PRKAR2A: variants seen among roughly 807,000 people sequenced by gnomAD.
The protein encoded by PRKAR2A is cAMP-dependent protein kinase type II-alpha regulatory subunit.
Under a neutral mutation model 51.9 loss-of-function variants are expected in PRKAR2A, and 29 were observed. The ratio of observed to expected loss-of-function variants is 0.56; its 90% CI spans 0.42 to 0.76. The LOEUF (loss-of-function observed/expected upper bound fraction) is 0.76. PRKAR2A is among the 30% of genes least tolerant of loss of function. The pLI is 0.00. For synonymous variants in PRKAR2A, 178 were observed against 186.2 expected (o/e 0.96, Z 0.36); for missense variants, 445 against 512.1 (o/e 0.87, Z 1.26).
At chr3:48,790,882 G>T (rs750758696) in intron 3 of PRKAR2A, among the ~76,000 whole-genome samples, 3 of 151,850 alleles carry the variant, frequency 2.0e-5, no homozygotes, top group Non-Finnish European at 2.9e-5. Context: ...GGAGTCTCAG[G>T]ATCTTCATCC....
intron 1 of PRKAR2A, among the ~76,000 whole-genome samples, chr3:48,832,250 T>A (rs2083200754): frequency 6.8e-6 from 1 of 146,056 alleles, no homozygotes; most frequent in African/African-American, 2.5e-5. Flanking sequence ...GCCGAGATCA[T>A]GCCATTGCAC....
At chr3:48,827,145 G>A (rs914045750) in intron 1 of PRKAR2A, among the ~76,000 whole-genome samples, 4 of 151,956 alleles carry the variant, frequency 2.6e-5, no homozygotes, top group African/African-American at 7.2e-5. Flanking sequence ...CTGGAGTACC[G>A]CCAACAACAT....
rs1465862193 is a variant in PRKAR2A, at chr3:48,847,018, A to C, written c.262+317T>G. Among the ~76,000 whole-genome samples the C allele has an allele frequency of 6.6e-6, 1 of 152,264 alleles. No individual in the cohort carries two copies. The highest frequency in any genetic ancestry group is 2.4e-5 in the African/African-American group (1 of 41,476). On this transcript the variant is annotated intron_variant, in intron 1 of 10. Transcript: ENST00000265563. This position sits in a 1 kb window ranked among gnomAD's most constrained non-coding sequence, Gnocchi z 4.4. ...TGGATGAGAACGCTGTTGTCTTCGA[A>C]GCCAAAACTGGTGAAGGGTCTTAAG...
At chr3:48,791,940 T>G (rs1305128770) in intron 3 of PRKAR2A, among the ~76,000 whole-genome samples, 1 of 149,322 alleles carries the variant, frequency 6.7e-6, no homozygotes, top group Non-Finnish European at 1.5e-5. Flanking sequence ...AAAGATAGTG[T>G]TAAATATTTT....
At chr3:48,843,516 C>T (rs1053125923) in intron 1 of PRKAR2A, among the ~76,000 whole-genome samples, 21 of 152,154 alleles carry the variant, frequency 1.4e-4, no homozygotes, top group African/African-American at 5.1e-4. Flanking sequence ...AAAAAAGAGC[C>T]CGCATCGCCA....
intron 4 of PRKAR2A, among the ~76,000 whole-genome samples, chr3:48,784,549 C>T (rs2082256054): frequency 6.6e-6 from 1 of 152,180 alleles, no homozygotes; most frequent in South Asian, 2.1e-4. Flanking sequence ...GACATCTGTA[C>T]CTAGCCTGTG....
chr3:48,789,779 T>C (rs1018665395), intron 4 of PRKAR2A, among the ~76,000 whole-genome samples: 2 of 152,010 alleles, frequency 1.3e-5, no homozygotes, highest in African/African-American at 2.4e-5. Flanking sequence ...AGCCAGAAGA[T>C]TCATTCTTAC....
chr3:48,800,228 G>A (rs2082564673), intron 2 of PRKAR2A, among the ~76,000 whole-genome samples: 1 of 151,462 alleles, frequency 6.6e-6, no homozygotes, highest in African/African-American at 2.4e-5. Context: ...ATACTAATTT[G>A]GGAGGGCTGG....
chr3:48,757,886 T>A lies in PRKAR2A; in HGVS notation c.874-1442A>T, dbSNP rs1455802702. On this transcript the variant is annotated intron_variant, in intron 8 of 10. Transcript: ENST00000265563. The stretch of plus-strand genomic sequence containing the variant: ...GCCTGACCAACATGGTGAAGCCCCA[T>A]CTCTACTAAAAATACAAAAATTAGC... Among the ~76,000 whole-genome samples, 3 of 151,906 alleles carry A rather than the reference T, an allele frequency of 2.0e-5. No homozygotes were observed. The East Asian group carries it at 5.8e-4, about 30-fold the overall frequency.
At chr3:48,754,694 A>G (rs2081729975) in intron 9 of PRKAR2A, among the ~76,000 whole-genome samples, 1 of 151,496 alleles carries the variant, frequency 6.6e-6, no homozygotes, top group South Asian at 2.1e-4. Context: ...GAATCGCTTG[A>G]ACCCAGGGAC....
intron 4 of PRKAR2A, among the ~76,000 whole-genome samples, chr3:48,788,496 AAGTAGAGAAGAAAC>A (rs1405149884): frequency 2.0e-5 from 3 of 152,138 alleles, no homozygotes; most frequent in African/African-American, 7.2e-5. Flanking sequence ...GTGGCCTTCA[AAGTAGAGAAGAAAC>A]AGTAGAGAAG....
chr3:48,829,571 TAA>T (rs1481801684), intron 1 of PRKAR2A, among the ~76,000 whole-genome samples: 1 of 68,332 alleles, frequency 1.5e-5, no homozygotes, highest in Admixed American at 1.9e-4. Context: ...TATACACACA[TAA>T]ATATATATGT....
At chr3:48,837,916 C>T (rs192341832) in intron 1 of PRKAR2A, among the ~76,000 whole-genome samples, 14 of 152,170 alleles carry the variant, frequency 9.2e-5, no homozygotes, top group Middle Eastern at 3.4e-3. Flanking sequence ...CGGTGGCTAA[C>T]GCCTGGAATC....
At chr3:48,831,163 G>A (rs1174822275) in intron 1 of PRKAR2A, among the ~76,000 whole-genome samples, 1 of 152,088 alleles carries the variant, frequency 6.6e-6, no homozygotes, top group Non-Finnish European at 1.5e-5. Flanking sequence ...GTTTACACCA[G>A]CATCACCACA....
At chr3:48,785,313 T>A (rs948201116) in intron 4 of PRKAR2A, among the ~76,000 whole-genome samples, 9 of 150,840 alleles carry the variant, frequency 6.0e-5, no homozygotes, top group Non-Finnish European at 1.2e-4. Flanking sequence ...CAGGCCGGTG[T>A]GCAGTTGCAC....
intron 1 of PRKAR2A, among the ~76,000 whole-genome samples, chr3:48,839,423 G>C (rs1351971786): frequency 6.7e-6 from 1 of 149,908 alleles, no homozygotes; most frequent in African/African-American, 2.4e-5. Context: ...AAAAAATGCT[G>C]AGAGACCGGC....
intron 1 of PRKAR2A, among the ~76,000 whole-genome samples, chr3:48,830,147 G>A (rs1389775674): frequency 6.6e-6 from 1 of 151,078 alleles, no homozygotes; most frequent in East Asian, 1.9e-4. Flanking sequence ...AGGTTGCAGT[G>A]AGCCAAGATC....
chr3:48,819,853 C>A (rs2082933610), intron 1 of PRKAR2A, among the ~76,000 whole-genome samples: 1 of 152,200 alleles, frequency 6.6e-6, no homozygotes, highest in South Asian at 2.1e-4. Flanking sequence ...GTCAACCCAC[C>A]TCCTGTGACA....
chr3:48,806,974 T>C (rs1251701190), intron 2 of PRKAR2A, among the ~76,000 whole-genome samples: 1 of 152,098 alleles, frequency 6.6e-6, no homozygotes, highest in Non-Finnish European at 1.5e-5. Flanking sequence ...GGTTTCACCA[T>C]GTTAGCCAGA....
Sources: gnomAD v4.1 joint callset for allele counts (sites outside exome capture counted in the v4.1 genomes callset) on GRCh38, gnomAD v4.1.1 for gene constraint, Gnocchi (gnomAD v3.1) non-coding constraint, MANE v1.5 for transcripts, NCBI Gene and HGNC (gene_info 2026-07-23, HGNC 2026-07-21) for gene names.